PDGFRA: variants seen among roughly 807,000 people sequenced by gnomAD.
PDGFRA encodes the protein platelet derived growth factor receptor alpha, also known as platelet-derived growth factor receptor alpha.
Under a neutral mutation model 121.5 loss-of-function variants are expected in PDGFRA, and 25 were observed. The ratio of observed to expected loss-of-function variants is 0.21; its 90% CI spans 0.15 to 0.29. The LOEUF is 0.29. Ranked by LOEUF, PDGFRA falls within the 10% of genes least tolerant of loss-of-function variation. The pLI is 1.00. For synonymous variants in PDGFRA, 463 were observed against 494.8 expected (o/e 0.94, Z 0.85); for missense variants, 1,008 against 1,345.1 (o/e 0.75, Z 3.92).
chr4:54,260,307 T>A lies in PDGFRA; in HGVS notation c.50-788T>A, dbSNP rs1006115455. Among the ~76,000 whole-genome samples the A allele has an allele frequency of 2.0e-5, 3 of 151,626 alleles. 1 individual carries two copies. Among genetic ancestry groups the A allele is most frequent in the East Asian group, 1.9e-4 (1 of 5,166 alleles). ...GGAGAGACGGCATGCCCGAGGGCTA[T>A]AAGAAATGGAAGATGTGGAATTCTT... On this transcript the variant is annotated intron_variant, in intron 2 of 22. Transcript: ENST00000257290.
At chr4:54,267,262 G>T in intron 5 of PDGFRA, 27 bp from the exon 6 acceptor site, 1 of 1,613,230 alleles carries the variant, frequency 6.2e-7, no homozygotes, top group Non-Finnish European at 8.5e-7. Flanking sequence ...CTTTTTAAAA[G>T]TCGGTTTTCT....
At chr4:54,256,107 G>A (rs527832630) in intron 1 of PDGFRA, among the ~76,000 whole-genome samples, 1 of 152,280 alleles carries the variant, frequency 6.6e-6, no homozygotes, top group African/African-American at 2.4e-5. Context: ...TGCAAGCTGG[G>A]TGTGGTGCCT....
chr4:54,230,962 G>C lies in PDGFRA; in HGVS notation c.-13+1547G>C, dbSNP rs184897266. On this transcript the variant is annotated intron_variant, in intron 1 of 22. Transcript: ENST00000257290. ...GGTGTCGGCCAGGTCGGAGCGACGAGTGTGGCCCAACCCGAGTACGTTGCC... is the reference window on the plus strand; with the variant it reads ...GGTGTCGGCCAGGTCGGAGCGACGACTGTGGCCCAACCCGAGTACGTTGCC... Among the ~76,000 whole-genome samples, 857 of 152,354 alleles carry C rather than the reference G, an allele frequency of 5.6e-3. 6 individuals are homozygous for C. Among genetic ancestry groups the C allele is most frequent in the African/African-American group, 0.019 (801 of 41,574 alleles).
intron 1 of PDGFRA, among the ~76,000 whole-genome samples, chr4:54,250,021 A>G (rs893884899): frequency 6.6e-6 from 1 of 152,186 alleles, no homozygotes; most frequent in Non-Finnish European, 1.5e-5. Flanking sequence ...TGGGTTTGAC[A>G]TTAATACTAC....
intron 1 of PDGFRA, among the ~76,000 whole-genome samples, chr4:54,248,154 A>G (rs1721807491): frequency 6.6e-6 from 1 of 152,244 alleles, no homozygotes. Flanking sequence ...AGTAATTTAT[A>G]GATTCAATGC....
chr4:54,255,876 T>C (rs1166653304), intron 1 of PDGFRA, among the ~76,000 whole-genome samples: 1 of 152,168 alleles, frequency 6.6e-6, no homozygotes, highest in Non-Finnish European at 1.5e-5. Flanking sequence ...ATACGTATTT[T>C]AGCTTCCAAA....
At chr4:54,229,592 G>T (rs1720546105) in intron 1 of PDGFRA, among the ~76,000 whole-genome samples, 177 bp downstream of exon 1, 1 of 151,782 alleles carries the variant, frequency 6.6e-6, no homozygotes, top group African/African-American at 2.4e-5. Flanking sequence ...TTCACTTGGG[G>T]ACGGGTGGGA....
intron 2 of PDGFRA, 78 bp downstream of exon 2, chr4:54,258,895 C>T: frequency 9.1e-7 from 1 of 1,103,828 alleles, no homozygotes; most frequent in Admixed American, 1.7e-5. Context: ...GGGTTTATTA[C>T]CAGTACTCTG....
chr4:54,282,001 G>A, intron 16 of PDGFRA: 1 of 1,040,738 alleles, frequency 9.6e-7, no homozygotes, highest in Non-Finnish European at 1.2e-6. Flanking sequence ...GCTTGTATGT[G>A]TGCTCCATGT....
At chr4:54,245,992 T>C (rs902780089) in intron 1 of PDGFRA, among the ~76,000 whole-genome samples, 21 of 152,084 alleles carry the variant, frequency 1.4e-4, no homozygotes, top group Non-Finnish European at 2.6e-4. Flanking sequence ...GGTAAAGGGA[T>C]CAATTCAACA....
chr4:54,251,250 A>G (rs2412555), intron 1 of PDGFRA, among the ~76,000 whole-genome samples: 6,874 of 152,208 alleles, frequency 0.045, 521 homozygotes, highest in African/African-American at 0.16. Context: ...CAATCTTTTA[A>G]TGACTTTTTG....
At chr4:54,233,978 C>G (rs1435481132) in intron 1 of PDGFRA, among the ~76,000 whole-genome samples, 1 of 152,228 alleles carries the variant, frequency 6.6e-6, no homozygotes, top group Non-Finnish European at 1.5e-5. Context: ...GGCCCGGGAA[C>G]GGCGTCGAGG....
intron 19 of PDGFRA, among the ~76,000 whole-genome samples, chr4:54,288,035 G>T (rs995949325): frequency 1.3e-5 from 2 of 152,146 alleles, no homozygotes; most frequent in Admixed American, 6.5e-5. Context: ...GGGCTATCCG[G>T]TGAGGTCCCT....
chr4:54,274,791 T>C (rs1472831212), intron 11 of PDGFRA, 50 bp from the exon 12 acceptor site: 2 of 1,607,312 alleles, frequency 1.2e-6, no homozygotes, highest in Non-Finnish European at 1.7e-6. Context: ...GAAGCTCTGG[T>C]GCACTGGGAC....
rs1194440009 is a variant in PDGFRA at position 54,262,877 on chromosome 4, ATTC to A, written c.368-784_368-782del. Among the ~76,000 whole-genome samples the A allele has an allele frequency of 7.2e-5, 11 of 152,292 alleles. No homozygotes were observed. In the South Asian group the frequency reaches 1.9e-3, roughly 26 times the overall value. On this transcript the variant is annotated intron_variant, in intron 3 of 22. Coordinates refer to ENST00000257290, the MANE Select transcript of PDGFRA (RefSeq NM_006206.6). The stretch of plus-strand genomic sequence containing the variant: ...TTAATCCGTGTAAGATTGTCCAAAA[ATTC>A]TTCTTGTTCCAGCACAGATGCCATC...
intron 22 of PDGFRA, among the ~76,000 whole-genome samples, chr4:54,294,686 G>A (rs142047384): frequency 1.3e-5 from 2 of 152,230 alleles, no homozygotes; most frequent in African/African-American, 4.8e-5. Context: ...GGCATTCCAG[G>A]CAAGTGGCAG....
chr4:54,248,904 A>G (rs547939262), intron 1 of PDGFRA, among the ~76,000 whole-genome samples: 121 of 152,334 alleles, frequency 7.9e-4, no homozygotes, highest in African/African-American at 2.5e-3. Context: ...AAAAGTGGGC[A>G]AAGGACATGA....
At position 54,267,560 on chromosome 4, in the gene PDGFRA, T is replaced by A; in HGVS notation, c.940T>A (p.Phe314Ile). Residue 314 changes from phenylalanine to isoleucine, a missense_variant, in exon 7 of 23, where the codon TTC becomes ATC. Transcript: ENST00000257290. ...KVTISVHEKGFIEIKPTFSQL... is the reference protein window; with the variant it reads ...KVTISVHEKGIIEIKPTFSQL... ...AACTCTTCCCTGTACAGAGAAAGGT[T>A]TCATTGAAATCAAACCCACCTTCAG... is the stretch of plus-strand genomic sequence containing the variant. 6.2e-7 allele frequency: 1 copy of A among 1,614,162 alleles called. No homozygotes were observed. Among genetic ancestry groups the A allele is most frequent in the Non-Finnish European group, 8.5e-7 (1 of 1,180,028 alleles).
At position 54,265,048 on chromosome 4, in the gene PDGFRA, T is replaced by A. The variant is rs1214333123; in HGVS notation, c.758T>A (p.Val253Glu). ...VDLQWTYPGE[V>E]KGKGITMLEE... ...CTTCAATGGACTTACCCTGGAGAAGTGGTAGGTACCCTCAAAACGTGCAAT... is the reference window on the plus strand; with the variant it reads ...CTTCAATGGACTTACCCTGGAGAAGAGGTAGGTACCCTCAAAACGTGCAAT... Residue 253 changes from valine (V) to glutamate (E), a missense_variant and splice_region_variant, in exon 5 of 23, where the codon GTG (valine) becomes GAG (glutamate). Val to Glu is a moderately radical substitution (Grantham distance 121). Coordinates refer to ENST00000257290, the MANE Select transcript of PDGFRA (RefSeq NM_006206.6). 2 of 1,613,672 alleles carry A rather than the reference T, an allele frequency of 1.2e-6. No individual in the cohort carries two copies. The highest frequency in any genetic ancestry group is 2.2e-5 in the South Asian group (2 of 91,074).
Sources: gnomAD v4.1 joint callset for allele counts (sites outside exome capture counted in the v4.1 genomes callset) on GRCh38, gnomAD v4.1.1 for gene constraint, MANE v1.5 for transcripts, NCBI Gene and HGNC (gene_info 2026-07-23, HGNC 2026-07-21) for gene names.